Variants in KNTC1 observed in about 807,000 individuals in gnomAD.
The protein encoded by KNTC1 is kinetochore associated 1.
KNTC1 carries 253 observed loss-of-function variants against 314.4 expected under a neutral mutation model. The ratio of observed to expected loss-of-function variants is 0.80; its 90% CI spans 0.73 to 0.89. KNTC1 has a LOEUF of 0.89. KNTC1 is among the 40% of genes least tolerant of loss of function. The pLI is 0.00. For synonymous variants in KNTC1, 901 were observed against 901.4 expected (o/e 1.00, Z 0.01); for missense variants, 2,475 against 2,572.9 (o/e 0.96, Z 0.82).
At chr12:122,586,106 G>A (rs1490505890) in intron 37 of KNTC1, among the ~76,000 whole-genome samples, 4 of 151,902 alleles carry the variant, frequency 2.6e-5, no homozygotes, top group African/African-American at 7.3e-5. Flanking sequence ...TTTTTGAGAC[G>A]GAGTCCTGCT....
At position 122,605,100 on chromosome 12, in the gene KNTC1, C is replaced by T. The variant is rs1872436017; in HGVS notation, c.5386+13C>T. On this transcript the variant is annotated intron_variant, in intron 50 of 63. Coordinates refer to ENST00000333479, the MANE Select transcript of KNTC1 (RefSeq NM_014708.6). ...ACAGATTATCCTGGTGAGGACAAAA[C>T]AATTTTTTTGTTGTCCAAGAAAAGC... 1.9e-6 allele frequency: 3 copies of T among 1,592,290 alleles called. No homozygotes were observed. The African/African-American group carries it at 4.0e-5, about 21-fold the overall frequency.
At chr12:122,610,089 A>T (rs1156416219) in intron 52 of KNTC1, among the ~76,000 whole-genome samples, 1 of 152,126 alleles carries the variant, frequency 6.6e-6, no homozygotes, top group African/African-American at 2.4e-5. Context: ...TGGAAAGACA[A>T]CCCCAAGAAA....
Position 122,556,310 on chromosome 12 carries a change from G to A in KNTC1, c.1273-1074G>A, listed in dbSNP as rs568874515. Among the ~76,000 whole-genome samples the A allele has an allele frequency of 5.9e-5, 9 of 151,852 alleles. No individual in the cohort carries two copies. In the South Asian group the frequency reaches 1.2e-3, roughly 21 times the overall value. On this transcript the variant is annotated intron_variant, in intron 16 of 63. Coordinates refer to ENST00000333479, the MANE Select transcript of KNTC1 (RefSeq NM_014708.6). ...AAGGATTACAGGTGTGCGCCACCAC[G>A]CCTGGCTCTTTTAGCAATTTTGAAA...
At position 122,584,213 on chromosome 12, in the gene KNTC1, A is replaced by G. The variant is rs761187163; in HGVS notation, c.3264-65A>G. 3.3e-4 allele frequency: 373 copies of G among 1,131,426 alleles called. 1 individual carries two copies. In the Middle Eastern group the frequency reaches 4.4e-3, roughly 13 times the overall value. The allele number at this position is 1,131,426 out of a possible 1,614,324, so 70.1% of individuals were successfully genotyped here. On this transcript the variant is annotated intron_variant, in intron 34 of 63. Transcript: ENST00000333479. ...ATGGTGGTGGTGATATATTAATCCA[A>G]GAAAGGCCATGCGTTCACTTTCAAT...
intron 38 of KNTC1, 92 bp from the exon 39 acceptor site, chr12:122,587,619 A>C: frequency 1.0e-6 from 1 of 995,310 alleles, no homozygotes; most frequent in Non-Finnish European, 1.5e-6. Context: ...ATCTGTATTG[A>C]AGAAGCAGGC....
chr12:122,535,237 A>G (rs1961692418), intron 3 of KNTC1, among the ~76,000 whole-genome samples: 1 of 152,210 alleles, frequency 6.6e-6, no homozygotes, highest in Non-Finnish European at 1.5e-5. Context: ...TTGAGAGTGA[A>G]TTAAAGCTGG....
intron 6 of KNTC1, 71 bp from the exon 7 acceptor site, chr12:122,543,529 A>T: frequency 8.7e-7 from 1 of 1,150,918 alleles, no homozygotes; most frequent in South Asian, 1.5e-5. Context: ...TCACCTTGAC[A>T]CAAAACAGGT....
At chr12:122,551,002 T>C (rs1273052928) in intron 13 of KNTC1, among the ~76,000 whole-genome samples, 1 of 152,230 alleles carries the variant, frequency 6.6e-6, no homozygotes, top group Non-Finnish European at 1.5e-5. Context: ...TGTCCTGTTA[T>C]GGGTGATTTT....
At chr12:122,611,087 T>C in intron 53 of KNTC1, 187 bp downstream of exon 53, 1 of 589,808 alleles carries the variant, frequency 1.7e-6, no homozygotes, top group Non-Finnish European at 3.0e-6. Context: ...AGTTCTGGTC[T>C]CTGTAACATC....
At chr12:122,547,826 A>G (rs1251399032) in intron 11 of KNTC1, 89 bp from the exon 12 acceptor site, 1 of 751,562 alleles carries the variant, frequency 1.3e-6, no homozygotes, top group Non-Finnish European at 2.1e-6. Context: ...TAATTGGCAA[A>G]GCCTACTTTT....
In KNTC1 at chr12:122,615,071, T is replaced by C; in HGVS notation, c.5958T>C (p.Leu1986=). 1.2e-6 allele frequency: 2 copies of C among 1,612,062 alleles called. No individual in the cohort carries two copies. The highest frequency in any genetic ancestry group is 1.7e-6 in the Non-Finnish European group (2 of 1,178,602). ...TTTGGAATGGACTCTTGCAAAAGCTTCTGGGCTTCAATATGGTAAGTAAGA... is the reference window on the plus strand; with the variant it reads ...TTTGGAATGGACTCTTGCAAAAGCTCCTGGGCTTCAATATGGTAAGTAAGA... ...LQLWNGLLQK[L]LGFNMIPYLR... The change falls in exon 56 of 64, where the codon CTT becomes CTC. Residue 1986 remains leucine (L), a synonymous_variant. Coordinates refer to ENST00000333479, the MANE Select transcript of KNTC1 (RefSeq NM_014708.6).
Position 122,622,524 on chromosome 12 carries a change from C to A in KNTC1, c.6432C>A (p.Thr2144=), listed in dbSNP as rs376313295. 139 of 1,576,750 alleles carry A rather than the reference C, an allele frequency of 8.8e-5. No homozygotes were observed. The highest frequency in any genetic ancestry group is 1.1e-4 in the Non-Finnish European group (128 of 1,159,708). Residue 2144 remains threonine (T), a synonymous_variant, in exon 62 of 64, where the codon ACC becomes ACA. Coordinates refer to ENST00000333479, the MANE Select transcript of KNTC1 (RefSeq NM_014708.6). ...AGGAGTTTGGGATTTTGGCAAAGAC[C>A]AAATACTTTCAAATGTTGAAGATGC... ...NKKEFGILAK[T]KYFQMLKMHA...
intron 35 of KNTC1, 144 bp downstream of exon 35, chr12:122,584,594 G>T: frequency 1.7e-6 from 1 of 601,288 alleles, no homozygotes; most frequent in South Asian, 2.5e-5. Flanking sequence ...GCTTATAATT[G>T]ATTCTCTTTG....
At chr12:122,578,148 C>T in intron 31 of KNTC1, among the ~76,000 whole-genome samples, 1 of 152,280 alleles carries the variant, frequency 6.6e-6, no homozygotes. Flanking sequence ...CAATATAAAT[C>T]TATATAATCT....
chr12:122,549,901 A>C, intron 13 of KNTC1, 37 bp downstream of exon 13: 1 of 1,164,448 alleles, frequency 8.6e-7, no homozygotes, highest in Non-Finnish European at 1.2e-6. Context: ...TCTTTTAACT[A>C]CTTTTTTCTT....
Position 122,587,807 on chromosome 12 carries a change from T to C in KNTC1, c.3827T>C (p.Val1276Ala), listed in dbSNP as rs1468850576. Reference protein sequence around the residue: ...SQWELALRFVVGSFGTCLQHS... With the variant: ...SQWELALRFVAGSFGTCLQHS... The stretch of plus-strand genomic sequence containing the variant: ...TGGGAGCTAGCCCTAAGATTTGTGG[T>C]TGGTTCATTTGGTACCTGTCTTCAG... Residue 1276 changes from valine (V) to alanine (A), a missense_variant, in exon 39 of 64, where the codon GTT (valine) becomes GCT (alanine). Transcript: ENST00000333479. The C allele has an allele frequency of 6.2e-7, 1 of 1,613,766 alleles. No homozygotes were observed. The highest frequency in any genetic ancestry group is 8.5e-7 in the Non-Finnish European group (1 of 1,179,818).
chr12:122,603,383 G>T (rs371787715), intron 48 of KNTC1, 140 bp downstream of exon 48: 22 of 696,754 alleles, frequency 3.2e-5, no homozygotes, highest in East Asian at 5.5e-5. Context: ...ACGCTCAAGG[G>T]CAGTGGGCAT....
At chr12:122,573,400 A>G (rs1482894845) in intron 26 of KNTC1, 115 bp downstream of exon 26, 1 of 950,962 alleles carries the variant, frequency 1.1e-6, no homozygotes, top group Non-Finnish European at 1.6e-6. Context: ...CTCATGCAGC[A>G]TATTGAATTG....
At chr12:122,547,668 C>T in intron 11 of KNTC1, 138 bp downstream of exon 11, 1 of 665,358 alleles carries the variant, frequency 1.5e-6, no homozygotes, top group Non-Finnish European at 2.5e-6. Context: ...AGACCGTTTG[C>T]AAAATTCACT....
Sources: allele counts gnomAD v4.1 joint callset (sites outside exome capture counted in the v4.1 genomes callset), GRCh38; gene constraint gnomAD v4.1.1; transcripts MANE v1.5; gene names NCBI Gene and HGNC (gene_info 2026-07-23, HGNC 2026-07-21).